Variants in KCNK12 observed in about 807,000 individuals in gnomAD.
KCNK12 encodes potassium channel subfamily K member 12.
In KCNK12, 6 loss-of-function variants were observed where a neutral mutation model predicts 25.3. That is an observed-to-expected ratio of 0.24 (90% CI 0.13 to 0.47). The LOEUF is 0.47. Among genes scored for constraint, KCNK12 ranks in the 20% least tolerant of loss-of-function variants. KCNK12 has a pLI of 0.99. For synonymous variants in KCNK12, 331 were observed against 311.1 expected (o/e 1.06, Z -0.67); for missense variants, 444 against 661.7 (o/e 0.67, Z 3.61).
intron 1 of KCNK12, among the ~76,000 whole-genome samples, chr2:47,523,263 G>A (rs1668700270): frequency 6.6e-6 from 1 of 152,186 alleles, no homozygotes; most frequent in Non-Finnish European, 1.5e-5. Context: ...AGCTTTGTGA[G>A]GCTGACAAAA....
At chr2:47,531,405 C>T (rs1668924725) in intron 1 of KCNK12, among the ~76,000 whole-genome samples, 1 of 151,470 alleles carries the variant, frequency 6.6e-6, no homozygotes, top group African/African-American at 2.4e-5. Context: ...CCCTGGAGGT[C>T]AAGGCTGCAG....
intron 1 of KCNK12, among the ~76,000 whole-genome samples, chr2:47,523,067 G>T (rs766107691): frequency 1.3e-5 from 2 of 152,166 alleles, no homozygotes; most frequent in Admixed American, 6.5e-5. Flanking sequence ...GAGTGAATCC[G>T]AGCCGAACAA....
At chr2:47,546,691 T>C (rs998597229) in intron 1 of KCNK12, among the ~76,000 whole-genome samples, 1 of 152,176 alleles carries the variant, frequency 6.6e-6, no homozygotes, top group Non-Finnish European at 1.5e-5. Context: ...TGGTTCAAGA[T>C]GATTATTTAA....
chr2:47,562,870 C>T lies in KCNK12; in HGVS notation c.391+7071G>A. 4.3e-6 allele frequency: 1 copy of T among 233,176 alleles called. No homozygotes were observed. Among genetic ancestry groups the T allele is most frequent in the Non-Finnish European group, 8.5e-6 (1 of 118,034 alleles). The allele number at this position is 233,176 out of a possible 1,614,324, so 14.4% of individuals were successfully genotyped here. A position where few individuals can be genotyped will look rare whatever the true frequency, so the allele number is the denominator to read the frequency against. Reference sequence around the variant, plus strand: ...GGTGAGGATCAGAGGCTGGACTCTGCCCAAAGCACCCACCTTGGGCTCCAC... The same window carrying T: ...GGTGAGGATCAGAGGCTGGACTCTGTCCAAAGCACCCACCTTGGGCTCCAC... On this transcript the variant is annotated intron_variant, in intron 1 of 1. Coordinates refer to ENST00000327876, the MANE Select transcript of KCNK12 (RefSeq NM_022055.2). This position sits in a 1 kb window ranked among gnomAD's most constrained non-coding sequence, Gnocchi z 4.8.
rs958176087 is a variant in KCNK12, at chr2:47,513,166, TAG to T, written c.*7739_*7740del. 3 of 152,238 alleles carry T rather than the reference TAG, an allele frequency of 2.0e-5. No individual in the cohort carries two copies. The highest frequency in any genetic ancestry group is 7.2e-5 in the African/African-American group (3 of 41,450). The allele number at this position is 152,238 out of a possible 1,614,324, so 9.4% of individuals were successfully genotyped here. A position where few individuals can be genotyped will look rare whatever the true frequency, so the allele number is the denominator to read the frequency against. On this transcript the variant is annotated 3_prime_UTR_variant, in exon 2 of 2. Coordinates refer to ENST00000327876, the MANE Select transcript of KCNK12 (RefSeq NM_022055.2). ...AGCCAGTATTATTTTGAACCTCTGTTAGAGTGGCTTGAATCTGTATCCTAACT... is the reference window on the plus strand; with the variant it reads ...AGCCAGTATTATTTTGAACCTCTGTTAGTGGCTTGAATCTGTATCCTAACT...
intron 1 of KCNK12, among the ~76,000 whole-genome samples, chr2:47,568,485 A>T (rs1470484461): frequency 1.3e-5 from 2 of 152,132 alleles, no homozygotes; most frequent in East Asian, 3.9e-4. Flanking sequence ...TTTTCTATTT[A>T]AAATAATCAG....
Position 47,519,663 on chromosome 2 carries a change from C to T in KCNK12, c.*1244G>A, listed in dbSNP as rs929100163. ...GTAATCCTAACATTACTTCCATCCA[C>T]CAGTTTCACCAGCTACCTCCCTCCT... On this transcript the variant is annotated 3_prime_UTR_variant, in exon 2 of 2. Transcript: ENST00000327876. 1.3e-5 allele frequency: 2 copies of T among 152,286 alleles called. No homozygotes were observed. Among genetic ancestry groups the T allele is most frequent in the African/African-American group, 4.8e-5 (2 of 41,450 alleles). 9.4% of individuals were successfully genotyped at this position (152,286 alleles called of 1,614,324 possible).
intron 1 of KCNK12, among the ~76,000 whole-genome samples, chr2:47,522,078 A>T (rs1668670958): frequency 6.6e-6 from 1 of 152,252 alleles, no homozygotes; most frequent in South Asian, 2.1e-4. Context: ...TGGGACAGGT[A>T]GTCACTAGGA....
At chr2:47,537,013 C>G (rs1314317138) in intron 1 of KCNK12, among the ~76,000 whole-genome samples, 7 of 152,182 alleles carry the variant, frequency 4.6e-5, no homozygotes, top group African/African-American at 1.7e-4. Flanking sequence ...GTTTTTCTCT[C>G]ACTCCATCTT....
intron 1 of KCNK12, among the ~76,000 whole-genome samples, chr2:47,524,379 A>T (rs1407701985): frequency 6.6e-6 from 1 of 152,270 alleles, no homozygotes; most frequent in African/African-American, 2.4e-5. Flanking sequence ...GCAATTAAAA[A>T]GCATGAACCA....
At chr2:47,524,205 CA>C (rs1375544340) in intron 1 of KCNK12, among the ~76,000 whole-genome samples, 1 of 152,198 alleles carries the variant, frequency 6.6e-6, no homozygotes, top group Admixed American at 6.5e-5. Flanking sequence ...ATTTTAAAGC[CA>C]CACTCAAGTT....
At chr2:47,564,221 C>G (rs1669745135) in intron 1 of KCNK12, 1 of 230,942 alleles carries the variant, frequency 4.3e-6, no homozygotes, top group South Asian at 1.8e-4. Flanking sequence ...TCCAGTCGCT[C>G]CTAGGCTTTG....
rs1174768414 is a variant in KCNK12, at chr2:47,521,606, G to C, written c.594C>G (p.Ser198=). The change falls in exon 2 of 2, where the codon TCC becomes TCG. Residue 198 remains serine, a synonymous_variant. Coordinates refer to ENST00000327876, the MANE Select transcript of KCNK12 (RefSeq NM_022055.2). ...GLLPATFRRG[S]ALSEADSLAG... is the part of the protein sequence containing the mutation. ...CCAGGCTGTCGGCCTCCGAGAGCGC[G>C]GAGCCGCGGCGGAAGGTGGCGGGCA... 4 of 1,566,860 alleles carry C rather than the reference G, an allele frequency of 2.6e-6. No individual in the cohort carries two copies. The highest frequency in any genetic ancestry group is 1.9e-5 in the Admixed American group (1 of 51,578).
At position 47,548,701 on chromosome 2, in the gene KCNK12, T is replaced by C. The variant is rs1015365831; in HGVS notation, c.391+21240A>G. Among the ~76,000 whole-genome samples the C allele has an allele frequency of 6.6e-6, 1 of 152,210 alleles. No individual in the cohort carries two copies. Among genetic ancestry groups the C allele is most frequent in the African/African-American group, 2.4e-5 (1 of 41,448 alleles). ...CCGGAAAAAGTCTATGAGATAATTATTTTCAGACATTGGAAAAAAGGTAGT... is the reference window on the plus strand; with the variant it reads ...CCGGAAAAAGTCTATGAGATAATTACTTTCAGACATTGGAAAAAAGGTAGT... On this transcript the variant is annotated intron_variant, in intron 1 of 1. Transcript: ENST00000327876. This position sits in a 1 kb window ranked among gnomAD's most constrained non-coding sequence, Gnocchi z 4.4.
chr2:47,558,629 G>T (rs1268002758), intron 1 of KCNK12, among the ~76,000 whole-genome samples: 3 of 152,202 alleles, frequency 2.0e-5, no homozygotes, highest in Non-Finnish European at 4.4e-5. Context: ...AGGCTCACAC[G>T]AGGCGCTCAG....
Position 47,521,588 on chromosome 2 carries a change from G to C in KCNK12, c.612C>G (p.Asp204Glu), listed in dbSNP as rs748169850. The change falls in exon 2 of 2, where the codon GAC becomes GAG. Residue 204 changes from aspartate to glutamate, a missense_variant. Asp to Glu is a conservative substitution (Grantham distance 45, BLOSUM62 2). This residue lies in a region of KCNK12 where 36 missense variants were observed against 36.4 expected (regional missense o/e 0.99). Transcript: ENST00000327876. ...CCGAGGGCTTCCAGCCCGCCAGGCT[G>C]TCGGCCTCCGAGAGCGCGGAGCCGC... ...FRRGSALSEA[D>E]SLAGWKPSVY... 6.4e-7 allele frequency: 1 copy of C among 1,560,836 alleles called. No individual in the cohort carries two copies. Among genetic ancestry groups the C allele is most frequent in the Admixed American group, 1.9e-5 (1 of 51,470 alleles).
intron 1 of KCNK12, among the ~76,000 whole-genome samples, chr2:47,561,035 CA>C (rs1157672999): frequency 2.0e-5 from 3 of 152,200 alleles, no homozygotes; most frequent in Non-Finnish European, 4.4e-5. Context: ...TGCCTTCCTT[CA>C]GCGACCTTCA....
At position 47,551,545 on chromosome 2, in the gene KCNK12, C is replaced by T. The variant is rs752045530; in HGVS notation, c.391+18396G>A. Among the ~76,000 whole-genome samples, 56 of 152,246 alleles carry T rather than the reference C, an allele frequency of 3.7e-4. No homozygotes were observed. The highest frequency in any genetic ancestry group is 5.3e-4 in the Non-Finnish European group (36 of 68,004). Reference sequence around the variant, plus strand: ...TTTCAGTTGCTGGCACATAGTGGAGCGCTCAAGAAATATTTGTTGAATAAA... The same window carrying T: ...TTTCAGTTGCTGGCACATAGTGGAGTGCTCAAGAAATATTTGTTGAATAAA... On this transcript the variant is annotated intron_variant, in intron 1 of 1. Coordinates refer to ENST00000327876, the MANE Select transcript of KCNK12 (RefSeq NM_022055.2). The surrounding 1 kb of genome is among the most constrained non-coding windows in gnomAD (Gnocchi z 5.3).
chr2:47,539,811 C>G (rs970544641), intron 1 of KCNK12, among the ~76,000 whole-genome samples: 1 of 152,122 alleles, frequency 6.6e-6, no homozygotes, highest in Non-Finnish European at 1.5e-5. Flanking sequence ...CCGGGGAGGC[C>G]AAGGACATCC....
Sources: gnomAD v4.1 joint callset for allele counts (sites outside exome capture counted in the v4.1 genomes callset) on GRCh38, gnomAD v4.1.1 for gene constraint, gnomAD v4.1.1 regional missense constraint, Gnocchi (gnomAD v3.1) non-coding constraint, MANE v1.5 for transcripts, NCBI Gene and HGNC (gene_info 2026-07-23, HGNC 2026-07-21) for gene names.